CADPS2: variants seen among roughly 807,000 people sequenced by gnomAD.
CADPS2 encodes calcium-dependent secretion activator 2.
Under a neutral mutation model 172.5 loss-of-function variants are expected in CADPS2, and 93 were observed. The observed-to-expected ratio is 0.54, with a 90% CI of 0.46 to 0.64. The LOEUF (loss-of-function observed/expected upper bound fraction) is 0.64. CADPS2 is among the 30% of genes least tolerant of loss of function. CADPS2 has a pLI of 0.00. For missense variants in CADPS2, 1,420 were observed against 1,565.9 expected (o/e 0.91, Z 1.57); for synonymous variants, 546 against 555.2 (o/e 0.98, Z 0.23).
At chr7:122,791,495 G>A (rs1324002441) in intron 1 of CADPS2, among the ~76,000 whole-genome samples, 1 of 151,992 alleles carries the variant, frequency 6.6e-6, no homozygotes, top group Non-Finnish European at 1.5e-5. Flanking sequence ...AAACATACCA[G>A]CATAGCAACT....
intron 7 of CADPS2, among the ~76,000 whole-genome samples, chr7:122,579,561 T>A (rs550588016): frequency 6.6e-5 from 10 of 150,494 alleles, no homozygotes; most frequent in Non-Finnish European, 1.5e-5. Flanking sequence ...AGCTCAAGAA[T>A]TACTTATAGC....
chr7:122,653,624 C>T (rs911796909), intron 3 of CADPS2, among the ~76,000 whole-genome samples: 3 of 152,152 alleles, frequency 2.0e-5, no homozygotes, highest in Admixed American at 2.0e-4. Flanking sequence ...CATTGAAGGT[C>T]TGTGGCAATC....
At chr7:122,442,938 C>T (rs1416368077) in intron 15 of CADPS2, among the ~76,000 whole-genome samples, 1 of 152,168 alleles carries the variant, frequency 6.6e-6, no homozygotes, top group East Asian at 1.9e-4. Flanking sequence ...TGCAGTGGTG[C>T]TTTTAAGAGC....
chr7:122,843,612 T>C (rs1227386779), intron 1 of CADPS2, among the ~76,000 whole-genome samples: 13 of 152,218 alleles, frequency 8.5e-5, no homozygotes, highest in Admixed American at 7.9e-4. Flanking sequence ...TATGACATTA[T>C]ATGCCAGATT....
At chr7:122,533,849 T>C (rs956065410) in intron 8 of CADPS2, among the ~76,000 whole-genome samples, 7 of 152,160 alleles carry the variant, frequency 4.6e-5, no homozygotes, top group Admixed American at 2.0e-4. Flanking sequence ...TGTATCCATA[T>C]GCATAAAAGA....
At chr7:122,880,717 T>C (rs1015978631) in intron 1 of CADPS2, among the ~76,000 whole-genome samples, 5 of 152,222 alleles carry the variant, frequency 3.3e-5, no homozygotes, top group African/African-American at 1.2e-4. Flanking sequence ...GTGATTCTAA[T>C]GTGCAGTTAA....
chr7:122,853,748 C>A (rs1814365174), intron 1 of CADPS2, among the ~76,000 whole-genome samples: 2 of 152,138 alleles, frequency 1.3e-5, no homozygotes, highest in African/African-American at 2.4e-5. Flanking sequence ...TCAAATCCTT[C>A]CCAGGGGAAT....
intron 2 of CADPS2, among the ~76,000 whole-genome samples, chr7:122,732,784 TAA>T (rs1562885045): frequency 1.4e-5 from 2 of 143,416 alleles, no homozygotes; most frequent in Non-Finnish European, 3.0e-5. Flanking sequence ...ATTATGTATA[TAA>T]TATATATACA....
chr7:122,554,807 CAATA>C, intron 7 of CADPS2, 118 bp from the exon 8 acceptor site: 1 of 812,122 alleles, frequency 1.2e-6, no homozygotes, highest in East Asian at 3.1e-5. Context: ...CAAATGTATC[CAATA>C]AACAATTTGA....
chr7:122,541,362 AT>A (rs34290734), intron 8 of CADPS2, among the ~76,000 whole-genome samples: 13 of 132,638 alleles, frequency 9.8e-5, no homozygotes, highest in South Asian at 2.5e-4. Flanking sequence ...ACACCCAGCT[AT>A]TTTTTTTTTT....
chr7:122,331,742 C>T (rs553942333), intron 28 of CADPS2, among the ~76,000 whole-genome samples: 10 of 152,188 alleles, frequency 6.6e-5, no homozygotes, highest in Admixed American at 5.2e-4. Context: ...ATCTGGAAAC[C>T]GAGTTTACAG....
At chr7:122,556,996 C>A (rs2065112584) in intron 7 of CADPS2, among the ~76,000 whole-genome samples, 1 of 151,970 alleles carries the variant, frequency 6.6e-6, no homozygotes, top group Non-Finnish European at 1.5e-5. Context: ...ATATCTAATT[C>A]CCTATGTTAT....
intron 1 of CADPS2, among the ~76,000 whole-genome samples, chr7:122,738,845 CA>C (rs148235831): frequency 0.09 from 11,783 of 130,580 alleles, 606 homozygotes; most frequent in South Asian, 0.15. Flanking sequence ...CTATTGTACC[CA>C]GGGGGGGAAA....
chr7:122,704,868 T>G (rs570525468), intron 2 of CADPS2, among the ~76,000 whole-genome samples: 1 of 152,202 alleles, frequency 6.6e-6, no homozygotes, highest in African/African-American at 2.4e-5. Flanking sequence ...TACCAGCATC[T>G]AGCGAGTACA....
intron 11 of CADPS2, among the ~76,000 whole-genome samples, chr7:122,488,585 A>G (rs1281200379): frequency 6.6e-6 from 1 of 152,240 alleles, no homozygotes; most frequent in East Asian, 1.9e-4. Context: ...ATACCAGCAC[A>G]TAAGTAATGA....
At position 122,471,446 on chromosome 7, in the gene CADPS2, A is replaced by G; in HGVS notation, c.2115T>C (p.Asn705=). Residue 705 remains asparagine (N), a synonymous_variant, in exon 14 of 30, where the codon AAT becomes AAC. Coordinates refer to ENST00000449022, the MANE Select transcript of CADPS2 (RefSeq NM_017954.11). ...GCAGGGTAGGGTCAATGACAGCACC[A>G]TTTTCTGAATGTTCCATCAGTTCTG... is the stretch of plus-strand genomic sequence containing the variant. The part of the protein sequence containing the change: ...YLAELMEHSE[N]GAVIDPTLLH... 1 of 1,613,436 alleles carries G rather than the reference A, an allele frequency of 6.2e-7. No homozygotes were observed. Among genetic ancestry groups the G allele is most frequent in the Non-Finnish European group, 8.5e-7 (1 of 1,179,696 alleles).
At chr7:122,568,841 A>T (rs939329635) in intron 7 of CADPS2, among the ~76,000 whole-genome samples, 1 of 152,158 alleles carries the variant, frequency 6.6e-6, no homozygotes, top group African/African-American at 2.4e-5. Flanking sequence ...AATTGGACTT[A>T]ATCAAAATTA....
rs1203747198 is a variant in CADPS2, at chr7:122,729,166, T to G, written c.453+7789A>C. Among the ~76,000 whole-genome samples the G allele has an allele frequency of 2.6e-5, 4 of 151,812 alleles. No individual in the cohort carries two copies. The East Asian group carries it at 7.7e-4, about 29-fold the overall frequency. The stretch of plus-strand genomic sequence containing the variant: ...TTTCACTTAACACAATGACCTCCAG[T>G]TCAATCCATGTTGCTGCAGATGATA... On this transcript the variant is annotated intron_variant, in intron 2 of 29. Transcript: ENST00000449022.
chr7:122,582,954 T>A (rs149105725), intron 6 of CADPS2, among the ~76,000 whole-genome samples: 5 of 152,094 alleles, frequency 3.3e-5, no homozygotes, highest in Non-Finnish European at 7.4e-5. Flanking sequence ...CATTTTTAAT[T>A]CCCAAACCTC....
Sources: gnomAD v4.1 joint callset for allele counts (sites outside exome capture counted in the v4.1 genomes callset) on GRCh38, gnomAD v4.1.1 for gene constraint, MANE v1.5 for transcripts, NCBI Gene and HGNC (gene_info 2026-07-23, HGNC 2026-07-21) for gene names.